Variants in MACF1 observed in about 807,000 individuals in gnomAD.
MACF1 encodes the protein microtubule actin crosslinking factor 1.
Under a neutral mutation model 854.8 loss-of-function variants are expected in MACF1, and 193 were observed. The ratio of observed to expected loss-of-function variants is 0.23; its 90% confidence interval spans 0.20 to 0.25. MACF1 has a LOEUF of 0.25. Ranked by LOEUF, MACF1 falls within the 10% of genes least tolerant of loss-of-function variation. MACF1 has a pLI of 1.00. For missense variants in MACF1, 7,722 were observed against 8,929.1 expected, an observed-to-expected ratio of 0.86 and a Z score of 5.45; for synonymous variants, 3,185 against 3,226.7, an observed-to-expected ratio of 0.99 and a Z score of 0.44.
At chr1:39,136,438 G>A (rs552890853) in intron 2 of MACF1, among the ~76,000 whole-genome samples, 40 of 152,322 alleles carry the variant, frequency 2.6e-4, no homozygotes, top group Non-Finnish European at 4.7e-4. Context: ...TCCAACTGTG[G>A]ATTCTCCTGT....
chr1:39,186,214 C>CTCTGTG (rs1430618940), intron 2 of MACF1, among the ~76,000 whole-genome samples: 3 of 57,952 alleles, frequency 5.2e-5, no homozygotes, highest in Admixed American at 2.1e-4. Flanking sequence ...CTCTCTCTCT[C>CTCTGTG]TGTGTGTGTG....
chr1:39,239,243 C>T (rs763775618), intron 2 of MACF1, among the ~76,000 whole-genome samples: 5 of 151,970 alleles, frequency 3.3e-5, no homozygotes, highest in Non-Finnish European at 7.4e-5. Flanking sequence ...ATCGTGCCAC[C>T]GCACTCCAGC....
chr1:39,431,455 G>C (rs573096342), intron 66 of MACF1, among the ~76,000 whole-genome samples: 3 of 152,216 alleles, frequency 2.0e-5, no homozygotes, highest in Non-Finnish European at 4.4e-5. Context: ...ATGTGCCGTA[G>C]TACAAAAAAT....
intron 49 of MACF1, 61 bp from the exon 50 acceptor site, chr1:39,368,087 C>T: frequency 7.1e-7 from 1 of 1,412,736 alleles, no homozygotes. Flanking sequence ...TTCCTTATTC[C>T]TTTTTAGAGT....
intron 2 of MACF1, among the ~76,000 whole-genome samples, chr1:39,173,281 G>A (rs899820319): frequency 2.0e-5 from 3 of 147,858 alleles, no homozygotes; most frequent in Non-Finnish European, 3.0e-5. Context: ...CGGAGGTTGC[G>A]GTGACCAGAG....
chr1:39,310,982 A>G lies in MACF1; in HGVS notation c.3252A>G (p.Leu1084=), dbSNP rs146950475. 103 of 1,613,424 alleles carry G rather than the reference A, an allele frequency of 6.4e-5. No individual in the cohort carries two copies. In the African/African-American group the frequency reaches 1.3e-3, roughly 20 times the overall value. Residue 1084 remains leucine (L), a synonymous_variant, in exon 26 of 101, where the codon TTA becomes TTG. Coordinates refer to ENST00000564288, the MANE Select transcript of MACF1 (RefSeq NM_001394062.1). ...TDRDAWQDNA[L]RIAEQEHTQE... is the part of the protein sequence containing the mutation. Reference sequence around the variant, plus strand: ...GAGATGCCTGGCAGGACAATGCATTAAGGATTGCAGAGCAAGAGGTAAGCC... The same window carrying G: ...GAGATGCCTGGCAGGACAATGCATTGAGGATTGCAGAGCAAGAGGTAAGCC...
In MACF1 at chr1:39,458,359, G is replaced by T. The variant is rs762645836; in HGVS notation, c.21076-11G>T. ...TATTTAACTCTTTTTCCTATTTTTT[G>T]TGTTTAACAGACATTTATGGAGGAG... On this transcript the variant is annotated splice_polypyrimidine_tract_variant and intron_variant, in intron 89 of 100. Transcript: ENST00000564288. 1.9e-6 allele frequency: 3 copies of T among 1,605,154 alleles called. No homozygotes were observed. Among genetic ancestry groups the T allele is most frequent in the Admixed American group, 3.5e-5 (2 of 56,952 alleles).
chr1:39,355,204 T>C (rs1158499952), intron 44 of MACF1, among the ~76,000 whole-genome samples: 1 of 152,194 alleles, frequency 6.6e-6, no homozygotes, highest in African/African-American at 2.4e-5. Context: ...CCCAAAGCCC[T>C]GGTAGTCTTA....
chr1:39,221,290 A>G (rs1644648905), intron 1 of MACF1, among the ~76,000 whole-genome samples: 1 of 152,154 alleles, frequency 6.6e-6, no homozygotes, highest in African/African-American at 2.4e-5. Context: ...TAAAGTGATC[A>G]AATCCGTAAA....
intron 15 of MACF1, 57 bp from the exon 16 acceptor site, chr1:39,291,853 C>A (rs1249331294): frequency 6.4e-7 from 1 of 1,561,866 alleles, no homozygotes; most frequent in African/African-American, 1.4e-5. Flanking sequence ...TGGTTCTGAC[C>A]ATTTTCCTAC....
At chr1:39,189,580 C>T (rs1036500230) in intron 2 of MACF1, among the ~76,000 whole-genome samples, 5 of 152,200 alleles carry the variant, frequency 3.3e-5, no homozygotes, top group African/African-American at 1.2e-4. Context: ...GTTTTTCATT[C>T]TCTTCCTCAT....
intron 65 of MACF1, 151 bp downstream of exon 65, chr1:39,430,219 T>TGTGTA: frequency 9.8e-6 from 8 of 815,360 alleles, no homozygotes; most frequent in Non-Finnish European, 1.5e-5. Flanking sequence ...TAAAGACATA[T>TGTGTA]ACGTTACACA....
chr1:39,215,839 A>G (rs911906849), intron 1 of MACF1, among the ~76,000 whole-genome samples: 1 of 151,942 alleles, frequency 6.6e-6, no homozygotes, highest in African/African-American at 2.4e-5. Flanking sequence ...GTCATGGCCT[A>G]TGTTTCCTCT....
chr1:39,381,385 G>T (rs1173917456), intron 55 of MACF1, among the ~76,000 whole-genome samples: 3 of 145,484 alleles, frequency 2.1e-5, no homozygotes, highest in South Asian at 2.2e-4. Context: ...TTTTGGGGGG[G>T]GGGACAGGGT....
In MACF1 at chr1:39,332,613, G is replaced by A. The variant is rs1362158336; in HGVS notation, c.6025G>A (p.Gly2009Arg). The change falls in exon 37 of 101, where the codon GGG becomes AGG. Residue 2009 changes from glycine (G) to arginine (R), a missense_variant. Physicochemically the swap from Gly to Arg is moderately radical, Grantham distance 125 (BLOSUM62 -2). Around this residue, in one of 15 missense-constraint regions of MACF1, gnomAD observed 1,531 missense variants for 1,601.6 expected, o/e 0.96. Coordinates refer to ENST00000564288, the MANE Select transcript of MACF1 (RefSeq NM_001394062.1). The part of the protein sequence containing the change: ...QTSPPKVVEI[G>R]HQRQKTPEGL... ...AAGTCCTCCAAAAGTGGTTGAAATT[G>A]GGCATCAAAGGCAAAAAACTCCTGA... 3 of 1,614,142 alleles carry A rather than the reference G, an allele frequency of 1.9e-6. No individual in the cohort carries two copies. The highest frequency in any genetic ancestry group is 2.2e-5 in the East Asian group (1 of 44,884).
At chr1:39,322,425 C>A (rs886802990) in intron 31 of MACF1, among the ~76,000 whole-genome samples, 183 bp from the exon 32 acceptor site, 2 of 152,172 alleles carry the variant, frequency 1.3e-5, no homozygotes, top group African/African-American at 4.8e-5. Flanking sequence ...GCTGCTTTCA[C>A]TTATAATGAG....
chr1:39,243,074 G>A (rs1164252031), intron 2 of MACF1, among the ~76,000 whole-genome samples: 1 of 152,182 alleles, frequency 6.6e-6, no homozygotes, highest in Non-Finnish European at 1.5e-5. Context: ...CAGTGTATGA[G>A]GGTTCTAGAT....
chr1:39,314,313 G>A (rs1157352741), intron 26 of MACF1, among the ~76,000 whole-genome samples: 1 of 152,076 alleles, frequency 6.6e-6, no homozygotes, highest in Non-Finnish European at 1.5e-5. Flanking sequence ...GGAGGCTGAA[G>A]CAGGAGAATC....
chr1:39,179,366 G>C (rs1391637884), intron 2 of MACF1, among the ~76,000 whole-genome samples: 1 of 152,190 alleles, frequency 6.6e-6, no homozygotes, highest in Non-Finnish European at 1.5e-5. Flanking sequence ...GGGAGAGTCA[G>C]GATACTGGAA....
Sources: allele counts gnomAD v4.1 joint callset (sites outside exome capture counted in the v4.1 genomes callset), GRCh38; gene constraint gnomAD v4.1.1; regional missense constraint gnomAD v4.1.1; transcripts MANE v1.5; gene names NCBI Gene and HGNC (gene_info 2026-07-23, HGNC 2026-07-21).